Variants in DNER observed in about 807,000 individuals in gnomAD.
The protein encoded by DNER is delta/notch like EGF repeat containing, also known as delta and Notch-like epidermal growth factor-related receptor.
DNER carries 33 observed loss-of-function variants against 78.2 expected under a neutral mutation model. That is an observed-to-expected ratio of 0.42 (90% confidence interval 0.32 to 0.56). DNER has a LOEUF of 0.56. Ranked by LOEUF, DNER falls within the 20% of genes least tolerant of loss-of-function variation. DNER has a pLI of 0.11. For synonymous variants in DNER, 417 were observed against 384.8 expected, an observed-to-expected ratio of 1.08 and a Z score of -0.98; for missense variants, 918 against 975.3, an observed-to-expected ratio of 0.94 and a Z score of 0.78.
At chr2:229,550,739 C>A (rs777754644) in intron 4 of DNER, among the ~76,000 whole-genome samples, 2 of 151,982 alleles carry the variant, frequency 1.3e-5, no homozygotes, top group African/African-American at 2.4e-5. Context: ...TGCACCACTG[C>A]GCTCCAGTCT....
At chr2:229,540,772 C>T (rs1241001011) in intron 5 of DNER, among the ~76,000 whole-genome samples, 1 of 152,160 alleles carries the variant, frequency 6.6e-6, no homozygotes, top group Non-Finnish European at 1.5e-5. Context: ...TAGGCCCACC[C>T]CTGGGCTCTA....
intron 1 of DNER, among the ~76,000 whole-genome samples, chr2:229,627,923 C>T (rs116235912): frequency 0.018 from 2,724 of 152,254 alleles, 86 homozygotes; most frequent in East Asian, 0.17. Flanking sequence ...ACAATGGTTC[C>T]CACCACACAT....
intron 9 of DNER, among the ~76,000 whole-genome samples, chr2:229,417,868 A>G (rs1278233440): frequency 1.3e-5 from 2 of 152,164 alleles, no homozygotes; most frequent in Admixed American, 6.5e-5. Flanking sequence ...ACATTCAATA[A>G]AAAAGAAAGC....
At chr2:229,533,327 T>C (rs1054509136) in intron 5 of DNER, among the ~76,000 whole-genome samples, 1 of 152,126 alleles carries the variant, frequency 6.6e-6, no homozygotes, top group African/African-American at 2.4e-5. Flanking sequence ...TAAGACATGA[T>C]GTGCCTTTTC....
chr2:229,543,438 G>A (rs1170090351), intron 5 of DNER, among the ~76,000 whole-genome samples: 1 of 152,164 alleles, frequency 6.6e-6, no homozygotes, highest in Non-Finnish European at 1.5e-5. Flanking sequence ...CATGACGACC[G>A]CCTTACGGAA....
intron 1 of DNER, among the ~76,000 whole-genome samples, chr2:229,678,997 G>T (rs1051951043): frequency 6.6e-6 from 1 of 152,106 alleles, no homozygotes; most frequent in African/African-American, 2.4e-5. Context: ...TGATGATTTT[G>T]GTCTGACACA....
intron 1 of DNER, among the ~76,000 whole-genome samples, chr2:229,616,893 G>A (rs1396113532): frequency 1.3e-5 from 2 of 152,208 alleles, no homozygotes; most frequent in African/African-American, 4.8e-5. Context: ...CCTTTGGCAT[G>A]CTTATGCAGA....
At chr2:229,483,395 A>G (rs887077219) in intron 6 of DNER, among the ~76,000 whole-genome samples, 4 of 152,224 alleles carry the variant, frequency 2.6e-5, no homozygotes, top group Admixed American at 6.5e-5. Context: ...TGTCTGGTTT[A>G]AGCTAATCTG....
At chr2:229,696,408 C>T (rs1398949664) in intron 1 of DNER, among the ~76,000 whole-genome samples, 1 of 152,214 alleles carries the variant, frequency 6.6e-6, no homozygotes, top group Non-Finnish European at 1.5e-5. Flanking sequence ...AAAGACCTTT[C>T]TCAAACCCTG....
intron 7 of DNER, among the ~76,000 whole-genome samples, chr2:229,474,622 G>C (rs1694994180): frequency 6.6e-6 from 1 of 152,126 alleles, no homozygotes; most frequent in Non-Finnish European, 1.5e-5. Flanking sequence ...GATGAGACCA[G>C]GCTTCTTCCA....
intron 11 of DNER, among the ~76,000 whole-genome samples, chr2:229,380,306 G>C (rs935697775): frequency 6.6e-6 from 1 of 152,214 alleles, no homozygotes; most frequent in Non-Finnish European, 1.5e-5. Flanking sequence ...GGAGTGGAGA[G>C]AGCAGACAGA....
chr2:229,551,937 T>A (rs13385382), intron 4 of DNER, among the ~76,000 whole-genome samples: 10,186 of 149,464 alleles, frequency 0.068, 1,160 homozygotes, highest in African/African-American at 0.24. Flanking sequence ...TCTCAAAAAA[T>A]AAATAAATAA....
chr2:229,485,619 C>A (rs756008429), intron 6 of DNER, among the ~76,000 whole-genome samples: 1 of 152,120 alleles, frequency 6.6e-6, no homozygotes, highest in Admixed American at 6.6e-5. Context: ...ATCGACACCA[C>A]CATTTCCCTT....
At position 229,598,780 on chromosome 2, in the gene DNER, G is replaced by A. The variant is rs75793393; in HGVS notation, c.277-6892C>T. On this transcript the variant is annotated intron_variant, in intron 1 of 12. Coordinates refer to ENST00000341772, the MANE Select transcript of DNER (RefSeq NM_139072.4). ...CCAGCTGAGCAAGCAGTGCCCTGGC[G>A]TTGGCCCTGTTCTTCACAGGTGGGT... is the stretch of plus-strand genomic sequence containing the variant. Among the ~76,000 whole-genome samples, 559 of 152,216 alleles carry A rather than the reference G, an allele frequency of 3.7e-3. 6 individuals are homozygous for A. The highest frequency in any genetic ancestry group is 4.3e-3 in the African/African-American group (177 of 41,548).
At chr2:229,546,820 GAC>G in intron 5 of DNER, 125 bp downstream of exon 5, 2 of 1,356,928 alleles carry the variant, frequency 1.5e-6, no homozygotes. Context: ...CAGACAGACA[GAC>G]AGACAGACAG....
rs545647823 is a variant in DNER at position 229,653,095 on chromosome 2, T to C, written c.276+61053A>G. Among the ~76,000 whole-genome samples the C allele has an allele frequency of 5.3e-5, 8 of 152,344 alleles. No homozygotes were observed. The East Asian group carries it at 1.5e-3, about 29-fold the overall frequency. ...GTGAGTATTTCCATGAGGCTCAGTTTCCACTTGCTTCTGTACTCTTCCCCA... is the reference window on the plus strand; with the variant it reads ...GTGAGTATTTCCATGAGGCTCAGTTCCCACTTGCTTCTGTACTCTTCCCCA... On this transcript the variant is annotated intron_variant, in intron 1 of 12. Coordinates refer to ENST00000341772, the MANE Select transcript of DNER (RefSeq NM_139072.4).
chr2:229,485,813 AAAT>A (rs1254614180), intron 6 of DNER, among the ~76,000 whole-genome samples: 5 of 148,846 alleles, frequency 3.4e-5, no homozygotes, highest in Admixed American at 6.7e-5. Context: ...TTCTCTACTG[AAAT>A]AATAAAAAAA....
chr2:229,396,859 G>C lies in DNER; in HGVS notation c.1724-8463C>G, dbSNP rs529526232. Among the ~76,000 whole-genome samples, 3 of 152,230 alleles carry C rather than the reference G, an allele frequency of 2.0e-5. No individual in the cohort carries two copies. In the South Asian group the frequency reaches 6.2e-4, roughly 32 times the overall value. Reference sequence around the variant, plus strand: ...CCAGGGCAACAAAAAGTACCTCTGAGACTCTGGTTACCAAGAGGGTAGTCA... The same window carrying C: ...CCAGGGCAACAAAAAGTACCTCTGACACTCTGGTTACCAAGAGGGTAGTCA... On this transcript the variant is annotated intron_variant, in intron 10 of 12. Coordinates refer to ENST00000341772, the MANE Select transcript of DNER (RefSeq NM_139072.4).
chr2:229,396,257 T>A (rs1297759434), intron 10 of DNER, among the ~76,000 whole-genome samples: 1 of 152,150 alleles, frequency 6.6e-6, no homozygotes, highest in African/African-American at 2.4e-5. Context: ...CAGACAAATA[T>A]TTTACCAGGA....
Sources: allele counts gnomAD v4.1 joint callset (sites outside exome capture counted in the v4.1 genomes callset), GRCh38; gene constraint gnomAD v4.1.1; transcripts MANE v1.5; gene names NCBI Gene and HGNC (gene_info 2026-07-23, HGNC 2026-07-21).